EXO5: variants seen among roughly 807,000 people sequenced by gnomAD.
EXO5 encodes the protein exonuclease 5, also known as exonuclease V.
EXO5 carries 11 observed loss-of-function variants against 17.8 expected under a neutral mutation model. The ratio of observed to expected loss-of-function variants is 0.62; its 90% CI spans 0.39 to 1.02. The LOEUF is 1.02. Ranked by LOEUF, EXO5 falls within the 50% of genes least tolerant of loss-of-function variation. The pLI, the probability that EXO5 is intolerant of heterozygous loss-of-function variation, is 0.00. For missense variants in EXO5, 364 were observed against 434.8 expected (o/e 0.84, Z 1.45); for synonymous variants, 147 against 166.5 (o/e 0.88, Z 0.90).
chr1:40,510,932 ATG>A (rs1557580520), intron 3 of EXO5, among the ~76,000 whole-genome samples: 1 of 152,148 alleles, frequency 6.6e-6, no homozygotes, highest in Non-Finnish European at 1.5e-5. Flanking sequence ...CTCATAGCAT[ATG>A]TGTTATAAAT....
In EXO5 at chr1:40,515,874, C is replaced by G. The variant is rs554574474; in HGVS notation, c.*208C>G. The G allele has an allele frequency of 1.2e-4, 60 of 485,868 alleles. No individual in the cohort carries two copies. Among genetic ancestry groups the G allele is most frequent in the Non-Finnish European group, 7.4e-6 (2 of 269,776 alleles). The allele number at this position is 485,868 out of a possible 1,614,324, so 30.1% of individuals were successfully genotyped here. A position where few individuals can be genotyped will look rare whatever the true frequency, so the allele number is the denominator to read the frequency against. On this transcript the variant is annotated 3_prime_UTR_variant, in exon 4 of 4. Transcript: ENST00000415550. The stretch of plus-strand genomic sequence containing the variant: ...GGTTATACTGTCCCTGGAGCTTCAT[C>G]ATGATTGCCTGAGAAGACAGATGCT...
rs1163849512 is a variant in EXO5, at chr1:40,509,794, A to AAT, written c.-31+6_-31+7dup. On this transcript the variant is annotated splice_donor_region_variant and intron_variant, in intron 3 of 3. Transcript: ENST00000415550. ...AGGAAGATCAACGAAGTCACAGGTG[A>AAT]ATAGGAGTTTCTCTTCTAAAGTTTC... 6.6e-6 allele frequency: 1 copy of AAT among 152,236 alleles called. No individual in the cohort carries two copies. The highest frequency in any genetic ancestry group is 2.4e-5 in the African/African-American group (1 of 41,450). The allele number at this position is 152,236 out of a possible 1,614,324, so 9.4% of individuals were successfully genotyped here.
In EXO5 at chr1:40,515,234, A is replaced by G. The variant is rs1158379727; in HGVS notation, c.690A>G (p.Gln230=). The change falls in exon 4 of 4, where the codon CAA becomes CAG. Residue 230 remains glutamine (Q), a synonymous_variant. Coordinates refer to ENST00000415550, the MANE Select transcript of EXO5 (RefSeq NM_001346953.2). The part of the protein sequence containing the change: ...LYKYIFDAMV[Q]GKVTPASLIH... ...AATATATCTTTGATGCCATGGTACA[A>G]GGAAAAGTGACCCCTGCTAGCCTAA... The G allele has an allele frequency of 6.2e-7, 1 of 1,614,046 alleles. No homozygotes were observed. The highest frequency in any genetic ancestry group is 1.7e-5 in the Admixed American group (1 of 60,010).
intron 3 of EXO5, among the ~76,000 whole-genome samples, chr1:40,510,640 GTCTAAC>G (rs1370173182): frequency 2.6e-5 from 4 of 152,210 alleles, no homozygotes; most frequent in African/African-American, 9.6e-5. Flanking sequence ...ACAGGAAATA[GTCTAAC>G]TCTATGCTGT....
Position 40,514,809 on chromosome 1 carries a change from C to A in EXO5, c.265C>A (p.Gln89Lys). 1 of 1,614,166 alleles carries A rather than the reference C, an allele frequency of 6.2e-7. No homozygotes were observed. The highest frequency in any genetic ancestry group is 1.1e-5 in the South Asian group (1 of 91,076). ...KYLYVTDLAT[Q>K]NWCELQTAYG... Reference sequence around the variant, plus strand: ...TTTATATGTCACTGACCTGGCTACTCAGAACTGGTGTGAACTGCAAACAGC... The same window carrying A: ...TTTATATGTCACTGACCTGGCTACTAAGAACTGGTGTGAACTGCAAACAGC... The change falls in exon 4 of 4, where the codon CAG becomes AAG. Residue 89 changes from glutamine to lysine, a missense_variant. Transcript: ENST00000415550.
rs1455873501 is a variant in EXO5, at chr1:40,508,966, TC to T, written c.-264+61del. On this transcript the variant is annotated intron_variant, in intron 1 of 3. Coordinates refer to ENST00000415550, the MANE Select transcript of EXO5 (RefSeq NM_001346953.2). This position sits in a 1 kb window ranked among gnomAD's most constrained non-coding sequence, Gnocchi z 4.2. ...CTGCGTTTCGGAGCTTAGGGTTCTGTCCCTGCGATCGCCGCGTCTCCCTCCC... is the reference window on the plus strand; with the variant it reads ...CTGCGTTTCGGAGCTTAGGGTTCTGTCCTGCGATCGCCGCGTCTCCCTCCC... The T allele has an allele frequency of 6.6e-6, 1 of 152,182 alleles. No individual in the cohort carries two copies. The highest frequency in any genetic ancestry group is 1.5e-5 in the Non-Finnish European group (1 of 68,076). 9.4% of individuals were successfully genotyped at this position (152,182 alleles called of 1,614,324 possible). A position where few individuals can be genotyped will look rare whatever the true frequency, so the allele number is the denominator to read the frequency against.
Position 40,514,758 on chromosome 1 carries a change from C to G in EXO5, c.214C>G (p.Pro72Ala), listed in dbSNP as rs1645847147. 1 of 1,614,004 alleles carries G rather than the reference C, an allele frequency of 6.2e-7. No individual in the cohort carries two copies. The highest frequency in any genetic ancestry group is 1.3e-5 in the African/African-American group (1 of 74,918). The change falls in exon 4 of 4, where the codon CCC becomes GCC. Residue 72 changes from proline (P) to alanine (A), a missense_variant. Physicochemically the swap from Pro to Ala is conservative, Grantham distance 27. Transcript: ENST00000415550. ...GAAAAGAGGATTGGATATATTATCA[C>G]CCATGGAGAGATTCCACCTTAAATA... ...NWKRGLDILS[P>A]MERFHLKYLY...
Position 40,515,233 on chromosome 1 carries a change from A to G in EXO5, c.689A>G (p.Gln230Arg). The G allele has an allele frequency of 6.2e-7, 1 of 1,614,014 alleles. No individual in the cohort carries two copies. The highest frequency in any genetic ancestry group is 2.2e-5 in the East Asian group (1 of 44,860). ...AAATATATCTTTGATGCCATGGTACAAGGAAAAGTGACCCCTGCTAGCCTA... is the reference window on the plus strand; with the variant it reads ...AAATATATCTTTGATGCCATGGTACGAGGAAAAGTGACCCCTGCTAGCCTA... ...LYKYIFDAMV[Q>R]GKVTPASLIH... is the part of the protein sequence containing the mutation. The change falls in exon 4 of 4, where the codon CAA becomes CGA. Residue 230 changes from glutamine (Q) to arginine (R), a missense_variant. Physicochemically the swap from Gln to Arg is conservative, Grantham distance 43 (BLOSUM62 1). Transcript: ENST00000415550.
chr1:40,514,279 C>CAA (rs752515255), intron 3 of EXO5, among the ~76,000 whole-genome samples: 1 of 98,750 alleles, frequency 1.0e-5, no homozygotes, highest in Non-Finnish European at 2.1e-5. Context: ...GACTCCGTCT[C>CAA]AAAAAAAAAA....
At position 40,515,934 on chromosome 1, in the gene EXO5, C is replaced by G. The variant is rs867442379; in HGVS notation, c.*268C>G. The G allele has an allele frequency of 7.6e-5, 26 of 341,852 alleles. No individual in the cohort carries two copies. Among genetic ancestry groups the G allele is most frequent in the African/African-American group, 5.1e-4 (24 of 46,656 alleles). 21.2% of individuals were successfully genotyped at this position (341,852 alleles called of 1,614,324 possible). On this transcript the variant is annotated 3_prime_UTR_variant, in exon 4 of 4. Coordinates refer to ENST00000415550, the MANE Select transcript of EXO5 (RefSeq NM_001346953.2). ...TGGAATGAAGGTATCCTTCAGTAAA[C>G]TTTGCTTTCCTAAGAAAATTCTTCA...
chr1:40,512,120 G>T (rs980418450), intron 3 of EXO5, among the ~76,000 whole-genome samples: 1 of 152,092 alleles, frequency 6.6e-6, no homozygotes, highest in African/African-American at 2.4e-5. Flanking sequence ...CTCATGATCC[G>T]CCCGCCTTGG....
Position 40,514,945 on chromosome 1 carries a change from T to C in EXO5, c.401T>C (p.Val134Ala), listed in dbSNP as rs139978887. 37 of 1,613,914 alleles carry C rather than the reference T, an allele frequency of 2.3e-5. No homozygotes were observed. The African/African-American group carries it at 3.9e-4, about 17-fold the overall frequency. Reference protein sequence around the residue: ...RELELHDLVTVPVTTKEDAWA... With the variant: ...RELELHDLVTAPVTTKEDAWA... ...CTAGAACTTCATGATCTTGTGACTG[T>C]CCCAGTCACCACTAAAGAAGATGCT... The change falls in exon 4 of 4, where the codon GTC (valine) becomes GCC (alanine). Residue 134 changes from valine (V) to alanine (A), a missense_variant. Val to Ala is a moderately conservative substitution (Grantham distance 64). Coordinates refer to ENST00000415550, the MANE Select transcript of EXO5 (RefSeq NM_001346953.2).
Position 40,515,148 on chromosome 1 carries a change from C to A in EXO5, c.604C>A (p.Arg202Ser). 1.2e-6 allele frequency: 2 copies of A among 1,614,104 alleles called. No individual in the cohort carries two copies. Among genetic ancestry groups the A allele is most frequent in the Non-Finnish European group, 1.7e-6 (2 of 1,180,026 alleles). The change falls in exon 4 of 4, where the codon CGC becomes AGC. Residue 202 changes from arginine (R) to serine (S), a missense_variant. Physicochemically the swap from Arg to Ser is moderately radical, Grantham distance 110 (BLOSUM62 -1). Transcript: ENST00000415550. ...LELAELKTRR[R>S]PMLPLEAQKK... ...GCTGGCGGAACTCAAGACACGCAGG[C>A]GCCCTATGCTCCCTCTGGAAGCTCA...
chr1:40,512,119 C>T (rs749446883), intron 3 of EXO5, among the ~76,000 whole-genome samples: 26 of 152,166 alleles, frequency 1.7e-4, no homozygotes, highest in Non-Finnish European at 3.2e-4. Context: ...CCTCATGATC[C>T]GCCCGCCTTG....
chr1:40,513,578 A>G (rs1311419322), intron 3 of EXO5, among the ~76,000 whole-genome samples: 1 of 148,876 alleles, frequency 6.7e-6, no homozygotes, highest in African/African-American at 2.5e-5. Flanking sequence ...CAAACCTCAA[A>G]TCTCCTTTTT....
intron 3 of EXO5, among the ~76,000 whole-genome samples, chr1:40,511,328 A>G (rs904804017): frequency 6.6e-6 from 1 of 152,258 alleles, no homozygotes; most frequent in Non-Finnish European, 1.5e-5. Flanking sequence ...CAGAGACTTC[A>G]TAGTTGAAAT....
intron 1 of EXO5, chr1:40,509,148 TG>T (rs1322385720): frequency 6.6e-6 from 1 of 152,222 alleles, no homozygotes. Context: ...CTGCCAGAAC[TG>T]TAGGAAGTGC....
intron 3 of EXO5, among the ~76,000 whole-genome samples, chr1:40,511,364 A>G (rs1645774155): frequency 6.6e-6 from 1 of 152,260 alleles, no homozygotes; most frequent in African/African-American, 2.4e-5. Context: ...TATTTAAAGC[A>G]CATTGACAGT....
At chr1:40,509,984 C>G (rs1235985203) in intron 3 of EXO5, among the ~76,000 whole-genome samples, 194 bp downstream of exon 3, 1 of 152,168 alleles carries the variant, frequency 6.6e-6, no homozygotes, top group African/African-American at 2.4e-5. Flanking sequence ...TCAGTAACTT[C>G]AGGAAAACTA....
Sources: allele counts gnomAD v4.1 joint callset (sites outside exome capture counted in the v4.1 genomes callset), GRCh38; gene constraint gnomAD v4.1.1; non-coding constraint Gnocchi (gnomAD v3.1); transcripts MANE v1.5; gene names NCBI Gene and HGNC (gene_info 2026-07-23, HGNC 2026-07-21).